The following DSCAM variants were observed in gnomAD, a reference collection of about 807,000 sequenced individuals.
DSCAM encodes the protein DS cell adhesion molecule.
Under a neutral mutation model 217.7 loss-of-function variants are expected in DSCAM, and 47 were observed. The ratio of observed to expected loss-of-function variants is 0.22; its 90% CI spans 0.17 to 0.28. The LOEUF (loss-of-function observed/expected upper bound fraction) is 0.28, where lower values mean the gene tolerates loss of function less well. DSCAM is among the 10% of genes least tolerant of loss of function. The pLI is 1.00. For missense variants in DSCAM, 2,080 were observed against 2,618.3 expected (o/e 0.79, Z 4.49); for synonymous variants, 1,056 against 1,015.3 (o/e 1.04, Z -0.76).
At chr21:40,291,837 T>C (rs1453339817) in intron 10 of DSCAM, among the ~76,000 whole-genome samples, 1 of 152,218 alleles carries the variant, frequency 6.6e-6, no homozygotes, top group African/African-American at 2.4e-5. Flanking sequence ...GGTCAGAGAC[T>C]CTATGGACAG....
At chr21:40,249,483 G>A (rs1194617831) in intron 11 of DSCAM, among the ~76,000 whole-genome samples, 4 of 152,074 alleles carry the variant, frequency 2.6e-5, no homozygotes, top group African/African-American at 9.7e-5. Context: ...GGAACTATAA[G>A]TCCAACTAAA....
intron 3 of DSCAM, among the ~76,000 whole-genome samples, chr21:40,660,294 G>GAAGT: frequency 6.6e-6 from 1 of 152,150 alleles, no homozygotes. Flanking sequence ...AGGAAGGAAG[G>GAAGT]AAAGCAGGAA....
At chr21:40,558,407 C>T (rs28641616) in intron 3 of DSCAM, among the ~76,000 whole-genome samples, 67,869 of 151,086 alleles carry the variant, frequency 0.45, 16,549 homozygotes, top group Admixed American at 0.55. Context: ...AAGATCGCAC[C>T]ACTGCACTCC....
intron 3 of DSCAM, among the ~76,000 whole-genome samples, chr21:40,604,995 A>G (rs1261337153): frequency 6.6e-6 from 1 of 152,170 alleles, no homozygotes. Context: ...CTTGAAGGAC[A>G]TGGTTTTCTT....
chr21:40,492,366 C>T (rs943911308), intron 3 of DSCAM, among the ~76,000 whole-genome samples: 2 of 152,040 alleles, frequency 1.3e-5, no homozygotes, highest in Non-Finnish European at 2.9e-5. Context: ...AGAGCAGATT[C>T]CAAGACCAAA....
intron 18 of DSCAM, among the ~76,000 whole-genome samples, chr21:40,135,400 G>A (rs2090196912): frequency 6.6e-6 from 1 of 152,250 alleles, no homozygotes; most frequent in Non-Finnish European, 1.5e-5. Flanking sequence ...AACCAGCAGA[G>A]TTATTCAATT....
At chr21:40,294,106 G>A (rs2123441134) in intron 10 of DSCAM, among the ~76,000 whole-genome samples, 1 of 152,210 alleles carries the variant, frequency 6.6e-6, no homozygotes, top group South Asian at 2.1e-4. Flanking sequence ...TTGATGACTT[G>A]ATATTGGATA....
At chr21:40,802,695 A>C (rs1350170097) in intron 1 of DSCAM, among the ~76,000 whole-genome samples, 1 of 152,196 alleles carries the variant, frequency 6.6e-6, no homozygotes, top group African/African-American at 2.4e-5. Flanking sequence ...GAGAAATCTC[A>C]GCAGCACACT....
chr21:40,394,602 G>A (rs1042598240), intron 3 of DSCAM, among the ~76,000 whole-genome samples: 6 of 152,196 alleles, frequency 3.9e-5, no homozygotes, highest in Admixed American at 6.5e-5. Context: ...AAACCAGAAA[G>A]AAGTGGAAAT....
At chr21:40,775,075 C>G (rs1601244183) in intron 1 of DSCAM, among the ~76,000 whole-genome samples, 1 of 152,150 alleles carries the variant, frequency 6.6e-6, no homozygotes. Context: ...GACACAATCA[C>G]AAATGCCATG....
intron 1 of DSCAM, among the ~76,000 whole-genome samples, chr21:40,825,266 T>TTTCC (rs142604153): frequency 0.13 from 17,893 of 139,818 alleles, 1,214 homozygotes; most frequent in Middle Eastern, 0.17. Context: ...ATTTTCTTTC[T>TTTCC]TTCCTTCCTT....
At chr21:40,836,514 C>T (rs1437843448) in intron 1 of DSCAM, among the ~76,000 whole-genome samples, 14 of 152,188 alleles carry the variant, frequency 9.2e-5, no homozygotes, top group Admixed American at 4.6e-4. Flanking sequence ...TGCCCAAATT[C>T]TTATGGTGGT....
chr21:40,221,679 T>C (rs1266750928), intron 11 of DSCAM, among the ~76,000 whole-genome samples: 1 of 152,098 alleles, frequency 6.6e-6, no homozygotes, highest in African/African-American at 2.4e-5. Context: ...AGTGGGCAAA[T>C]CTGCTGGGGC....
intron 3 of DSCAM, among the ~76,000 whole-genome samples, chr21:40,506,082 A>G (rs574527041): frequency 1.3e-5 from 2 of 152,282 alleles, no homozygotes; most frequent in South Asian, 2.1e-4. Context: ...ATTCTTAAAG[A>G]TTTACTGAAG....
chr21:40,340,798 CA>C (rs1412206770), intron 6 of DSCAM, among the ~76,000 whole-genome samples: 37 of 152,068 alleles, frequency 2.4e-4, no homozygotes, highest in Non-Finnish European at 5.1e-4. Context: ...AGGAGGCAAG[CA>C]AAATTAGGAT....
chr21:40,660,282 AAAGG>A (rs1361379214), intron 3 of DSCAM, among the ~76,000 whole-genome samples: 4 of 152,184 alleles, frequency 2.6e-5, no homozygotes, highest in Non-Finnish European at 5.9e-5. Flanking sequence ...CAAGAGAAAG[AAAGG>A]AAGGAAGGAA....
intron 3 of DSCAM, among the ~76,000 whole-genome samples, chr21:40,578,879 G>A (rs1012209976): frequency 1.3e-5 from 2 of 152,318 alleles, no homozygotes; most frequent in Middle Eastern, 6.8e-3. Context: ...CAGTGCAGCA[G>A]TTAGGTGTCA....
chr21:40,288,500 G>A (rs1283868322), intron 10 of DSCAM, among the ~76,000 whole-genome samples: 1 of 152,142 alleles, frequency 6.6e-6, no homozygotes, highest in East Asian at 1.9e-4. Flanking sequence ...AAAGTCACAA[G>A]GGGAGTATTG....
chr21:40,830,901 A>G (rs2092007122), intron 1 of DSCAM, among the ~76,000 whole-genome samples: 1 of 152,226 alleles, frequency 6.6e-6, no homozygotes, highest in Non-Finnish European at 1.5e-5. Flanking sequence ...GAAGACAAAT[A>G]TCTTTAAATT....
Sources: allele counts gnomAD v4.1 joint callset (sites outside exome capture counted in the v4.1 genomes callset), GRCh38; gene constraint gnomAD v4.1.1; transcripts MANE v1.5; gene names NCBI Gene and HGNC (gene_info 2026-07-23, HGNC 2026-07-21).